RAD51B: variants seen among roughly 807,000 people sequenced by gnomAD.
The protein encoded by RAD51B is DNA repair protein RAD51 homolog 2.
Under a neutral mutation model 42.2 loss-of-function variants are expected in RAD51B, and 38 were observed. That is an observed-to-expected ratio of 0.90 (90% CI 0.70 to 1.18). RAD51B has a LOEUF of 1.18. RAD51B is among the 50% of genes most tolerant of loss of function. RAD51B has a pLI of 0.00. For synonymous variants in RAD51B, 154 were observed against 145.2 expected (o/e 1.06, Z -0.43); for missense variants, 373 against 400.7 (o/e 0.93, Z 0.59).
chr14:68,317,355 C>G (rs2082082275), intron 8 of RAD51B, among the ~76,000 whole-genome samples: 1 of 152,096 alleles, frequency 6.6e-6, no homozygotes, highest in South Asian at 2.1e-4. Context: ...TTAGGTACTG[C>G]AGACACATGG....
intron 4 of RAD51B, among the ~76,000 whole-genome samples, chr14:67,862,270 T>C (rs2042187901): frequency 6.6e-6 from 1 of 152,052 alleles, no homozygotes; most frequent in African/African-American, 2.4e-5. Context: ...TTATTATTTA[T>C]CAATTAAAAA....
At chr14:68,523,520 A>G (rs1202548196) in intron 10 of RAD51B, among the ~76,000 whole-genome samples, 1 of 152,190 alleles carries the variant, frequency 6.6e-6, no homozygotes, top group African/African-American at 2.4e-5. Context: ...CCAGCACCAA[A>G]GAGCCCTGAG....
chr14:68,565,765 T>A lies in RAD51B; in HGVS notation c.1037-28720T>A, dbSNP rs1055012794. Among the ~76,000 whole-genome samples the A allele has an allele frequency of 6.6e-6, 1 of 152,182 alleles. No homozygotes were observed. Among genetic ancestry groups the A allele is most frequent in the Non-Finnish European group, 1.5e-5 (1 of 68,044 alleles). ...GTATTTTCATGAAATACTTAACATC[T>A]TCATGTCAATATTATCTTATAAAAC... On this transcript the variant is annotated intron_variant, in intron 10 of 10. Transcript: ENST00000487270. This position sits in a 1 kb window ranked among gnomAD's most constrained non-coding sequence, Gnocchi z 4.1.
chr14:68,611,424 C>G, exon 11 of RAD51B: 1 of 602,820 alleles, frequency 1.7e-6, no homozygotes, highest in East Asian at 2.8e-5. Flanking sequence ...TCCTCCCACT[C>G]CTACAACCCT....
chr14:68,053,102 T>C (rs952957905), intron 7 of RAD51B, among the ~76,000 whole-genome samples: 7 of 152,212 alleles, frequency 4.6e-5, no homozygotes, highest in Admixed American at 2.0e-4. Flanking sequence ...GGAAAGAATA[T>C]TTATTTATCT....
In RAD51B at chr14:68,086,189, T is replaced by C. The variant is rs149667887; in HGVS notation, c.756+198985T>C. ...AGAAGGGGAATGGAGTGGGAAGTTT[T>C]TCCCCTGGAGTTGGGCCGCCCAGAG... is the stretch of plus-strand genomic sequence containing the variant. On this transcript the variant is annotated intron_variant, in intron 7 of 10. Transcript: ENST00000471583. Among the ~76,000 whole-genome samples, 42 of 152,298 alleles carry C rather than the reference T, an allele frequency of 2.8e-4. No homozygotes were observed. In the East Asian group the frequency reaches 7.5e-3, roughly 27 times the overall value.
intron 7 of RAD51B, among the ~76,000 whole-genome samples, chr14:67,968,950 C>A (rs2074840649): frequency 1.3e-5 from 2 of 152,284 alleles, no homozygotes; most frequent in Admixed American, 6.5e-5. Flanking sequence ...CTTACAGTTC[C>A]ACTTGACTGG....
chr14:68,147,089 G>C (rs955819399), intron 7 of RAD51B, among the ~76,000 whole-genome samples: 2 of 152,158 alleles, frequency 1.3e-5, no homozygotes, highest in Non-Finnish European at 2.9e-5. Flanking sequence ...AATTTCTCCG[G>C]GAGTCTTATT....
intron 11 of RAD51B, among the ~76,000 whole-genome samples, chr14:68,680,608 G>A (rs1031457857): frequency 6.6e-6 from 1 of 152,108 alleles, no homozygotes; most frequent in Admixed American, 6.6e-5. Flanking sequence ...CGTTAGCCCA[G>A]ATGGGTCCCA....
At chr14:68,387,652 A>G (rs564661564) in intron 8 of RAD51B, among the ~76,000 whole-genome samples, 7 of 152,346 alleles carry the variant, frequency 4.6e-5, no homozygotes, top group Admixed American at 3.3e-4. Flanking sequence ...TGGCATATCT[A>G]TAGAAACTAA....
At chr14:68,556,583 G>A (rs1261979077) in intron 10 of RAD51B, among the ~76,000 whole-genome samples, 3 of 152,186 alleles carry the variant, frequency 2.0e-5, no homozygotes, top group South Asian at 2.1e-4. Flanking sequence ...TTTTAAGAGC[G>A]TGAAACCTGA....
At chr14:68,639,150 G>T (rs1016871730) in intron 10 of RAD51B, among the ~76,000 whole-genome samples, 4 of 152,328 alleles carry the variant, frequency 2.6e-5, no homozygotes, top group African/African-American at 4.8e-5. Flanking sequence ...GTCTGAGTTA[G>T]GTAAGGCGAT....
chr14:68,162,574 A>G (rs1369380179), intron 7 of RAD51B, among the ~76,000 whole-genome samples: 1 of 152,226 alleles, frequency 6.6e-6, no homozygotes, highest in Non-Finnish European at 1.5e-5. Flanking sequence ...TCATGAGGTC[A>G]GGAGATCGAG....
chr14:68,533,550 G>GC, intron 10 of RAD51B, among the ~76,000 whole-genome samples: 1 of 152,182 alleles, frequency 6.6e-6, no homozygotes, highest in African/African-American at 2.4e-5. Context: ...CAATTCCTAT[G>GC]CCAGTAGTTG....
intron 7 of RAD51B, among the ~76,000 whole-genome samples, chr14:68,019,783 T>C (rs554691969): frequency 5.3e-5 from 8 of 152,202 alleles, no homozygotes; most frequent in Non-Finnish European, 1.0e-4. Flanking sequence ...TATTTCTTGT[T>C]CGTTCTTACC....
At chr14:68,234,084 G>C (rs1566747110) in intron 7 of RAD51B, among the ~76,000 whole-genome samples, 1 of 152,216 alleles carries the variant, frequency 6.6e-6, no homozygotes, top group Admixed American at 6.5e-5. Context: ...GTAGCAGTAA[G>C]AGGAGAGGTG....
intron 7 of RAD51B, among the ~76,000 whole-genome samples, chr14:67,998,651 C>G (rs1297579506): frequency 6.6e-6 from 1 of 152,142 alleles, no homozygotes; most frequent in Admixed American, 6.5e-5. Context: ...GGTGAGTATT[C>G]TCTGGGCAGA....
In RAD51B at chr14:68,567,111, G is replaced by A. The variant is rs146521964; in HGVS notation, c.1037-27374G>A. The stretch of plus-strand genomic sequence containing the variant: ...TCAGGAGTTCCAGACCAGCCTGGCT[G>A]AGATGATGAAACCCTGTCTCTACTA... On this transcript the variant is annotated intron_variant, in intron 10 of 10. Transcript: ENST00000487270. Among the ~76,000 whole-genome samples, 536 of 152,222 alleles carry A rather than the reference G, an allele frequency of 3.5e-3. 3 individuals are homozygous for A. Among genetic ancestry groups the A allele is most frequent in the East Asian group, 0.024 (123 of 5,166 alleles).
At chr14:68,371,745 G>C (rs990187917) in intron 8 of RAD51B, among the ~76,000 whole-genome samples, 5 of 150,090 alleles carry the variant, frequency 3.3e-5, no homozygotes, top group African/African-American at 7.6e-5. Flanking sequence ...CAGCTACTTG[G>C]GGGGCTGAGG....
Sources: allele counts gnomAD v4.1 joint callset (sites outside exome capture counted in the v4.1 genomes callset), GRCh38; gene constraint gnomAD v4.1.1; non-coding constraint Gnocchi (gnomAD v3.1); transcripts MANE v1.5; gene names NCBI Gene and HGNC (gene_info 2026-07-23, HGNC 2026-07-21).